ZC3H12C: variants seen among roughly 807,000 people sequenced by gnomAD.
ZC3H12C encodes zinc finger CCCH-type containing 12C.
In ZC3H12C, 20 loss-of-function variants were observed where a neutral mutation model predicts 76.3. The observed-to-expected ratio is 0.26, with a 90% confidence interval of 0.18 to 0.38. The LOEUF (loss-of-function observed/expected upper bound fraction) is 0.38. Ranked by LOEUF, ZC3H12C falls within the 10% of genes least tolerant of loss-of-function variation. The pLI is 1.00. For missense variants in ZC3H12C, 874 were observed against 1,086.5 expected, an observed-to-expected ratio of 0.80 and a Z score of 2.75; for synonymous variants, 352 against 399.6, an observed-to-expected ratio of 0.88 and a Z score of 1.42.
intron 1 of ZC3H12C, among the ~76,000 whole-genome samples, chr11:110,134,780 T>C (rs1003930892): frequency 6.6e-6 from 1 of 152,102 alleles, no homozygotes; most frequent in African/African-American, 2.4e-5. Context: ...AGAACAATGA[T>C]ATTAAAGTTG....
At chr11:110,159,111 C>T (rs1051496397) in intron 3 of ZC3H12C, 145 bp from the exon 4 acceptor site, 1 of 625,038 alleles carries the variant, frequency 1.6e-6, no homozygotes, top group Non-Finnish European at 2.8e-6. Flanking sequence ...GGAAATGATG[C>T]TGTATCTACA....
intron 1 of ZC3H12C, among the ~76,000 whole-genome samples, chr11:110,119,458 T>C (rs977473443): frequency 2.6e-5 from 4 of 152,120 alleles, no homozygotes; most frequent in African/African-American, 9.7e-5. Flanking sequence ...TGAGAAGCAT[T>C]GTCTTCTAAT....
At chr11:110,128,738 T>C (rs916510876) in intron 1 of ZC3H12C, among the ~76,000 whole-genome samples, 1 of 152,154 alleles carries the variant, frequency 6.6e-6, no homozygotes, top group Admixed American at 6.6e-5. Flanking sequence ...GGATATATGT[T>C]ACGTTTTTCA....
chr11:110,168,575 G>A lies in ZC3H12C; in HGVS notation c.*2838G>A, dbSNP rs552261883. The stretch of plus-strand genomic sequence containing the variant: ...AGTTGCCAGAAATGGTCAACTGATC[G>A]GAAAAAAAAGGATTCAGACTGGAGT... On this transcript the variant is annotated 3_prime_UTR_variant, in exon 6 of 6. Coordinates refer to ENST00000278590, the MANE Select transcript of ZC3H12C (RefSeq NM_033390.2). 5.3e-5 allele frequency: 8 copies of A among 151,954 alleles called. No individual in the cohort carries two copies. In the East Asian group the frequency reaches 9.6e-4, roughly 18 times the overall value. The allele number at this position is 151,954 out of a possible 1,614,324, so 9.4% of individuals were successfully genotyped here.
chr11:110,103,857 C>G (rs767396909), intron 1 of ZC3H12C, among the ~76,000 whole-genome samples: 3 of 152,138 alleles, frequency 2.0e-5, no homozygotes, highest in Non-Finnish European at 2.9e-5. Context: ...CCCGCCTTGG[C>G]CTCCCAAAGT....
At chr11:110,131,061 G>T in intron 1 of ZC3H12C, 1 of 1,535,858 alleles carries the variant, frequency 6.5e-7, no homozygotes, top group East Asian at 2.4e-5. Context: ...GGAGTTTACT[G>T]CTGAAGCTGC....
At chr11:110,114,062 A>G (rs564902401) in intron 1 of ZC3H12C, among the ~76,000 whole-genome samples, 8 of 152,192 alleles carry the variant, frequency 5.3e-5, no homozygotes, top group Non-Finnish European at 1.0e-4. Flanking sequence ...GAAACTCCGT[A>G]TAGCATTATA....
intron 1 of ZC3H12C, among the ~76,000 whole-genome samples, chr11:110,128,852 T>C (rs2358193): frequency 0.71 from 102,603 of 144,870 alleles, 36,672 homozygotes; most frequent in East Asian, 0.89. Flanking sequence ...ATCTTTTTTA[T>C]TCATGAGATT....
intron 1 of ZC3H12C, among the ~76,000 whole-genome samples, chr11:110,134,510 T>C (rs1333080634): frequency 6.6e-6 from 1 of 152,112 alleles, no homozygotes; most frequent in Non-Finnish European, 1.5e-5. Context: ...GTGATTTTGT[T>C]ACTTGCATTA....
intron 2 of ZC3H12C, among the ~76,000 whole-genome samples, chr11:110,147,903 A>T (rs1228492690): frequency 6.6e-6 from 1 of 152,204 alleles, no homozygotes; most frequent in Non-Finnish European, 1.5e-5. Flanking sequence ...GAATATTCTA[A>T]TAAGGCTAGC....
chr11:110,094,406 G>A (rs558200430), intron 1 of ZC3H12C, among the ~76,000 whole-genome samples: 1 of 152,234 alleles, frequency 6.6e-6, no homozygotes, highest in South Asian at 2.1e-4. Context: ...TAGGAATTTG[G>A]CAACGTTGTT....
At chr11:110,110,141 T>C (rs1861401468) in intron 1 of ZC3H12C, among the ~76,000 whole-genome samples, 1 of 152,174 alleles carries the variant, frequency 6.6e-6, no homozygotes, top group Admixed American at 6.5e-5. Flanking sequence ...CATCTCATTA[T>C]TTAAGGCCTG....
chr11:110,157,072 A>T (rs985012577), intron 3 of ZC3H12C, among the ~76,000 whole-genome samples: 3 of 151,828 alleles, frequency 2.0e-5, no homozygotes, highest in Non-Finnish European at 2.9e-5. Flanking sequence ...CCAGCTACTC[A>T]GGAGGCTGAG....
At chr11:110,148,945 A>G (rs1862218443) in intron 2 of ZC3H12C, among the ~76,000 whole-genome samples, 3 of 152,028 alleles carry the variant, frequency 2.0e-5, no homozygotes, top group Admixed American at 2.0e-4. Flanking sequence ...CTTTATCAGT[A>G]CCTCCTCTAG....
intron 3 of ZC3H12C, among the ~76,000 whole-genome samples, chr11:110,155,575 A>G (rs1308048337): frequency 2.0e-5 from 3 of 152,226 alleles, no homozygotes; most frequent in African/African-American, 7.2e-5. Context: ...GAATGGTTCA[A>G]TTAGGAGGTA....
chr11:110,095,982 G>C (rs907467031), intron 1 of ZC3H12C, among the ~76,000 whole-genome samples: 1 of 152,122 alleles, frequency 6.6e-6, no homozygotes, highest in Non-Finnish European at 1.5e-5. Context: ...TTGAGATTCC[G>C]GAGTTTGATC....
intron 2 of ZC3H12C, among the ~76,000 whole-genome samples, chr11:110,150,241 A>T (rs913577436): frequency 6.6e-6 from 1 of 152,188 alleles, no homozygotes; most frequent in Non-Finnish European, 1.5e-5. Context: ...TGCAACATAC[A>T]GATGAATTTG....
At chr11:110,122,983 C>T (rs762285060) in intron 1 of ZC3H12C, among the ~76,000 whole-genome samples, 23 of 152,164 alleles carry the variant, frequency 1.5e-4, no homozygotes, top group Non-Finnish European at 2.6e-4. Context: ...CTGGGTGCCA[C>T]AGAGCAAGTG....
At chr11:110,122,642 C>G (rs1186012602) in intron 1 of ZC3H12C, among the ~76,000 whole-genome samples, 1 of 152,168 alleles carries the variant, frequency 6.6e-6, no homozygotes, top group Non-Finnish European at 1.5e-5. Context: ...AGATACCATT[C>G]AAGTGTTTTT....
Sources: allele counts gnomAD v4.1 joint callset (sites outside exome capture counted in the v4.1 genomes callset), GRCh38; gene constraint gnomAD v4.1.1; transcripts MANE v1.5; gene names NCBI Gene and HGNC (gene_info 2026-07-23, HGNC 2026-07-21).